CFAP54: variants seen among roughly 807,000 people sequenced by gnomAD.
CFAP54 encodes the protein cilia and flagella associated protein 54, also known as cilia- and flagella-associated protein 54.
In CFAP54, 290 loss-of-function variants were observed where a neutral mutation model predicts 370.4. That is an observed-to-expected ratio of 0.78 (90% CI 0.71 to 0.86). The LOEUF (loss-of-function observed/expected upper bound fraction) is 0.86, where lower values mean the gene tolerates loss of function less well. Among genes scored for constraint, CFAP54 ranks in the 40% least tolerant of loss-of-function variants. The probability of loss-of-function intolerance (pLI) is 0.00; values close to 1 mark genes in which losing one functional copy is unlikely to be tolerated. For synonymous variants in CFAP54, 1,206 were observed against 1,236.5 expected (o/e 0.98, Z 0.52); for missense variants, 3,399 against 3,528.7 (o/e 0.96, Z 0.93).
At chr12:96,541,146 A>G (rs1955564456) in intron 14 of CFAP54, among the ~76,000 whole-genome samples, 159 bp downstream of exon 14, 1 of 152,174 alleles carries the variant, frequency 6.6e-6, no homozygotes, top group Non-Finnish European at 1.5e-5. Context: ...AGTTTCATCA[A>G]GTGGATGTTA....
chr12:96,559,129 T>C (rs1001846104), intron 17 of CFAP54, among the ~76,000 whole-genome samples: 9 of 152,082 alleles, frequency 5.9e-5, no homozygotes, highest in African/African-American at 2.2e-4. Flanking sequence ...GGCAGGAGAA[T>C]AGCTTGAACC....
intron 15 of CFAP54, among the ~76,000 whole-genome samples, chr12:96,548,268 C>T (rs896826104): frequency 2.6e-5 from 4 of 152,102 alleles, no homozygotes; most frequent in African/African-American, 9.7e-5. Context: ...CTCTTGATCA[C>T]CTTGCCTTTC....
In CFAP54 at chr12:96,503,992, T is replaced by C. The variant is rs2136350669; in HGVS notation, c.530T>C (p.Phe177Ser). 4.6e-6 allele frequency: 7 copies of C among 1,525,044 alleles called. No homozygotes were observed. The highest frequency in any genetic ancestry group is 1.4e-5 in the African/African-American group (1 of 72,670). 94.5% of individuals were successfully genotyped at this position (1,525,044 alleles called of 1,614,324 possible). The change falls in exon 3 of 68, where the codon TTC becomes TCC. Residue 177 changes from phenylalanine (F) to serine (S), a missense_variant. Coordinates refer to ENST00000524981, the MANE Select transcript of CFAP54 (RefSeq NM_001306084.2). The stretch of plus-strand genomic sequence containing the variant: ...GTAACTCAATTCAAAGCTACCTTTT[T>C]CCCAAAAGGCTTTAAAGATAAAACT... ...VDVTQFKATFFPKGFKDKTAG... is the reference protein window; with the variant it reads ...VDVTQFKATFSPKGFKDKTAG...
intron 66 of CFAP54, among the ~76,000 whole-genome samples, chr12:96,844,776 A>G (rs568283830): frequency 2.0e-4 from 31 of 152,228 alleles, no homozygotes; most frequent in African/African-American, 6.7e-4. Flanking sequence ...GCTCCCAACT[A>G]TACTCTAAGC....
chr12:96,644,052 C>T, intron 32 of CFAP54, 126 bp from the exon 33 acceptor site: 2 of 680,702 alleles, frequency 2.9e-6, no homozygotes, highest in Non-Finnish European at 4.9e-6. Context: ...ATAAATAAGC[C>T]AGAAACATTA....
At chr12:96,551,105 C>CA (rs930275189) in intron 15 of CFAP54, among the ~76,000 whole-genome samples, 5 of 151,646 alleles carry the variant, frequency 3.3e-5, no homozygotes, top group Admixed American at 1.3e-4. Context: ...CATGACTCTG[C>CA]AAAAAAAATA....
chr12:96,660,125 T>A (rs138680993), intron 38 of CFAP54, among the ~76,000 whole-genome samples: 2 of 152,120 alleles, frequency 1.3e-5, no homozygotes, highest in East Asian at 3.9e-4. Context: ...CTAGAAGACT[T>A]CTTGGAGATG....
chr12:96,784,073 C>T (rs1958606450), intron 60 of CFAP54, among the ~76,000 whole-genome samples: 1 of 152,246 alleles, frequency 6.6e-6, no homozygotes, highest in Non-Finnish European at 1.5e-5. Flanking sequence ...TGATTAGACT[C>T]CTGTTTATAT....
intron 65 of CFAP54, among the ~76,000 whole-genome samples, chr12:96,822,808 C>T (rs140731397): frequency 4.4e-3 from 663 of 152,314 alleles, no homozygotes; most frequent in South Asian, 0.018. Context: ...GCTCTCATAG[C>T]TCTCTGGCAT....
chr12:96,644,404 G>T lies in CFAP54; in HGVS notation c.4543G>T (p.Val1515Phe). 6.6e-7 allele frequency: 1 copy of T among 1,520,790 alleles called. No homozygotes were observed. 94.2% of individuals were successfully genotyped at this position (1,520,790 alleles called of 1,614,324 possible). ...KMKFGTSHMM[V>F]SFRSCDPNMF... Reference sequence around the variant, plus strand: ...GAAATTTGGCACATCACATATGATGGTCAGGTATAGTATATTACTGATGAA... The same window carrying T: ...GAAATTTGGCACATCACATATGATGTTCAGGTATAGTATATTACTGATGAA... Residue 1515 changes from valine (V) to phenylalanine (F), a missense_variant, in exon 33 of 68, where the codon GTC (valine) becomes TTC (phenylalanine). Transcript: ENST00000524981.
chr12:96,730,806 T>A (rs1440748264), intron 50 of CFAP54, among the ~76,000 whole-genome samples: 1 of 152,216 alleles, frequency 6.6e-6, no homozygotes, highest in African/African-American at 2.4e-5. Context: ...AAACATATAA[T>A]CATCTCATCA....
intron 47 of CFAP54, among the ~76,000 whole-genome samples, chr12:96,706,145 C>T (rs1178549014): frequency 6.6e-6 from 1 of 152,024 alleles, no homozygotes. Flanking sequence ...TCCAAGCTCT[C>T]ATGGAGCTTG....
intron 39 of CFAP54, among the ~76,000 whole-genome samples, chr12:96,676,489 G>A (rs1436094194): frequency 6.6e-6 from 1 of 152,118 alleles, no homozygotes; most frequent in Non-Finnish European, 1.5e-5. Context: ...GTCCTTTGGA[G>A]GATAAATTAG....
chr12:96,794,560 TTAAG>T (rs1163243441), intron 63 of CFAP54, among the ~76,000 whole-genome samples: 1 of 152,150 alleles, frequency 6.6e-6, no homozygotes, highest in East Asian at 1.9e-4. Context: ...TTGCATTTCT[TTAAG>T]TGTGTCCTTC....
At chr12:96,857,969 C>T (rs1256805758) in intron 66 of CFAP54, among the ~76,000 whole-genome samples, 1 of 152,120 alleles carries the variant, frequency 6.6e-6, no homozygotes, top group Non-Finnish European at 1.5e-5. Flanking sequence ...CATTTGTGTG[C>T]ACATGTCTGA....
intron 19 of CFAP54, among the ~76,000 whole-genome samples, chr12:96,566,532 T>G (rs1453940980): frequency 6.6e-6 from 1 of 152,144 alleles, no homozygotes; most frequent in Non-Finnish European, 1.5e-5. Context: ...AGTTTATGGC[T>G]TTAAAAACGT....
chr12:96,651,928 A>G, intron 36 of CFAP54, 113 bp downstream of exon 36: 1 of 685,850 alleles, frequency 1.5e-6, no homozygotes, highest in Non-Finnish European at 2.4e-6. Flanking sequence ...GTTTGTCTAC[A>G]TTTCATTTGC....
chr12:96,805,935 A>C lies in CFAP54; in HGVS notation c.8851-5801A>C, dbSNP rs535345991. 9.2e-5 allele frequency among the ~76,000 whole-genome samples: 14 copies of C among 151,728 alleles called. No homozygotes were observed. The South Asian group carries it at 2.9e-3, about 32-fold the overall frequency. The stretch of plus-strand genomic sequence containing the variant: ...AGTAACATGGATGTAACTGGAGGCC[A>C]TTATCCTAACTAAAATAACTCAGCC... On this transcript the variant is annotated intron_variant, in intron 63 of 67. Transcript: ENST00000524981.
intron 60 of CFAP54, among the ~76,000 whole-genome samples, chr12:96,780,625 G>A (rs1958571834): frequency 2.0e-5 from 3 of 152,166 alleles, no homozygotes; most frequent in Non-Finnish European, 4.4e-5. Flanking sequence ...AGAATAGTTT[G>A]CAGGATTGAA....
Sources: gnomAD v4.1 joint callset for allele counts (sites outside exome capture counted in the v4.1 genomes callset) on GRCh38, gnomAD v4.1.1 for gene constraint, MANE v1.5 for transcripts, NCBI Gene and HGNC (gene_info 2026-07-23, HGNC 2026-07-21) for gene names.